CUL1: variants seen among roughly 807,000 people sequenced by gnomAD.
The protein encoded by CUL1 is cullin 1, also known as cullin-1.
In CUL1, 24 loss-of-function variants were observed where a neutral mutation model predicts 118.0. That is an observed-to-expected ratio of 0.20 (90% confidence interval 0.15 to 0.29). The LOEUF (loss-of-function observed/expected upper bound fraction) is 0.29, where lower values mean the gene tolerates loss of function less well. Among genes scored for constraint, CUL1 ranks in the 10% least tolerant of loss-of-function variants. The pLI is 1.00. For missense variants in CUL1, 361 were observed against 933.8 expected, an observed-to-expected ratio of 0.39 and a Z score of 7.99; for synonymous variants, 332 against 340.4, an observed-to-expected ratio of 0.98 and a Z score of 0.27.
At chr7:148,725,958 A>C (rs1414305141) in intron 1 of CUL1, among the ~76,000 whole-genome samples, 1 of 152,260 alleles carries the variant, frequency 6.6e-6, no homozygotes, top group East Asian at 1.9e-4. Context: ...GATAGAGAAG[A>C]ATAAATCACA....
chr7:148,789,620 C>G, intron 14 of CUL1, 130 bp from the exon 15 acceptor site: 2 of 718,322 alleles, frequency 2.8e-6, no homozygotes, highest in South Asian at 1.8e-5. Flanking sequence ...TATATTCAAG[C>G]AGGATTTTTA....
chr7:148,714,640 T>C (rs2129459108), intron 1 of CUL1, among the ~76,000 whole-genome samples: 1 of 152,346 alleles, frequency 6.6e-6, no homozygotes, highest in South Asian at 2.1e-4. Flanking sequence ...TCTGTAGTGA[T>C]AGGTGTGGTA....
chr7:148,743,686 C>T (rs536952779), intron 2 of CUL1, among the ~76,000 whole-genome samples: 28 of 148,760 alleles, frequency 1.9e-4, no homozygotes, highest in African/African-American at 2.9e-4. Context: ...GGCAGATCGC[C>T]GGAGGCCAAG....
At chr7:148,778,458 A>G (rs191987204) in intron 9 of CUL1, among the ~76,000 whole-genome samples, 4 of 152,018 alleles carry the variant, frequency 2.6e-5, no homozygotes, top group Non-Finnish European at 4.4e-5. Flanking sequence ...CATACTCTCT[A>G]TGGTTTTATT....
intron 9 of CUL1, among the ~76,000 whole-genome samples, chr7:148,769,082 G>T (rs1800113643): frequency 6.6e-6 from 1 of 152,098 alleles, no homozygotes; most frequent in Non-Finnish European, 1.5e-5. Context: ...ACAGAGCCTG[G>T]CCAGGCTGCC....
chr7:148,744,458 G>C (rs536680424), intron 2 of CUL1, among the ~76,000 whole-genome samples: 5 of 151,238 alleles, frequency 3.3e-5, no homozygotes, highest in Non-Finnish European at 4.4e-5. Flanking sequence ...AAGGAATAAA[G>C]AGATTGCTCT....
At chr7:148,753,931 G>A (rs372402474) in intron 2 of CUL1, 45 bp from the exon 3 acceptor site, 7 of 1,410,896 alleles carry the variant, frequency 5.0e-6, no homozygotes, top group Admixed American at 4.5e-5. Flanking sequence ...GTTAATGACC[G>A]TTAACGTCTG....
At position 148,798,031 on chromosome 7, in the gene CUL1, C is replaced by G; in HGVS notation, c.2030+12C>G. ...CTTGGTTATAAAAAGTAAGAAAAAT[C>G]TAATAAGTAGATGGCCCTTGACCAT... On this transcript the variant is annotated intron_variant, in intron 19 of 21. Transcript: ENST00000325222. 6.6e-7 allele frequency: 1 copy of G among 1,506,208 alleles called. No homozygotes were observed. Among genetic ancestry groups the G allele is most frequent in the African/African-American group, 1.4e-5 (1 of 72,314 alleles). The allele number at this position is 1,506,208 out of a possible 1,614,324, so 93.3% of individuals were successfully genotyped here.
intron 1 of CUL1, among the ~76,000 whole-genome samples, chr7:148,710,910 T>C (rs1036962781): frequency 6.6e-6 from 1 of 152,050 alleles, no homozygotes; most frequent in African/African-American, 2.4e-5. Flanking sequence ...TCAGGTGATC[T>C]GCCCGCCTCG....
intron 4 of CUL1, among the ~76,000 whole-genome samples, chr7:148,757,667 G>A (rs1799700417): frequency 6.6e-6 from 1 of 152,218 alleles, no homozygotes; most frequent in African/African-American, 2.4e-5. Flanking sequence ...GTATGGTCCT[G>A]TATTAGTCTG....
At chr7:148,737,546 ATG>A (rs1254648021) in intron 2 of CUL1, among the ~76,000 whole-genome samples, 6 of 146,692 alleles carry the variant, frequency 4.1e-5, no homozygotes, top group East Asian at 2.0e-4. Flanking sequence ...AGTACGATAT[ATG>A]TGTGTGTGTG....
At chr7:148,791,618 A>G (rs1239425257) in intron 16 of CUL1, among the ~76,000 whole-genome samples, 1 of 152,244 alleles carries the variant, frequency 6.6e-6, no homozygotes, top group Non-Finnish European at 1.5e-5. Flanking sequence ...AATAGAAAAC[A>G]TTAGCAACAC....
At chr7:148,725,086 C>G (rs191109615) in intron 1 of CUL1, among the ~76,000 whole-genome samples, 2 of 152,206 alleles carry the variant, frequency 1.3e-5, no homozygotes, top group East Asian at 3.9e-4. Context: ...TTTGTGGGCA[C>G]CTGTATTCTA....
intron 1 of CUL1, among the ~76,000 whole-genome samples, chr7:148,719,518 A>T (rs966695014): frequency 3.3e-5 from 5 of 152,204 alleles, no homozygotes; most frequent in African/African-American, 1.2e-4. Flanking sequence ...AGTCTTATCT[A>T]ATTAGATAAT....
intron 4 of CUL1, 40 bp downstream of exon 4, chr7:148,757,190 T>G (rs756832351): frequency 1.5e-6 from 2 of 1,338,252 alleles, no homozygotes; most frequent in Non-Finnish European, 2.0e-6. Flanking sequence ...TTTGTTTTTG[T>G]TTTTGTTTTT....
intron 9 of CUL1, among the ~76,000 whole-genome samples, chr7:148,768,396 T>A (rs1800079278): frequency 1.4e-5 from 2 of 147,904 alleles, no homozygotes; most frequent in Admixed American, 1.3e-4. Flanking sequence ...TTTTTTTTTT[T>A]TTTTTTGAGA....
chr7:148,781,302 A>G (rs552300365), intron 9 of CUL1, among the ~76,000 whole-genome samples: 1 of 152,088 alleles, frequency 6.6e-6, no homozygotes, highest in East Asian at 1.9e-4. Context: ...AGGCTGGTCT[A>G]GAACTCCTGA....
chr7:148,711,234 T>C (rs1798040164), intron 1 of CUL1, among the ~76,000 whole-genome samples: 1 of 152,214 alleles, frequency 6.6e-6, no homozygotes, highest in Non-Finnish European at 1.5e-5. Context: ...TTTCGGAAAA[T>C]ACTAAAAAGT....
At chr7:148,786,386 G>A (rs1800813525) in intron 11 of CUL1, among the ~76,000 whole-genome samples, 165 bp from the exon 12 acceptor site, 1 of 152,202 alleles carries the variant, frequency 6.6e-6, no homozygotes. Context: ...GTTACAGTAT[G>A]AGATTGCCAG....
Sources: gnomAD v4.1 joint callset for allele counts (sites outside exome capture counted in the v4.1 genomes callset) on GRCh38, gnomAD v4.1.1 for gene constraint, MANE v1.5 for transcripts, NCBI Gene and HGNC (gene_info 2026-07-23, HGNC 2026-07-21) for gene names.